Variants in PPARGC1A observed in about 807,000 individuals in gnomAD.
PPARGC1A encodes the protein PPARG coactivator 1 alpha, also known as peroxisome proliferator-activated receptor gamma coactivator 1-alpha.
In PPARGC1A, 25 loss-of-function variants were observed where a neutral mutation model predicts 88.7. The ratio of observed to expected loss-of-function variants is 0.28; its 90% CI spans 0.21 to 0.39. The LOEUF (loss-of-function observed/expected upper bound fraction) is 0.39. PPARGC1A is among the 10% of genes least tolerant of loss of function. PPARGC1A has a pLI of 1.00. For synonymous variants in PPARGC1A, 363 were observed against 355.6 expected, an observed-to-expected ratio of 1.02 and a Z score of -0.24; for missense variants, 880 against 968.7, an observed-to-expected ratio of 0.91 and a Z score of 1.22.
At chr4:24,054,372 C>T in the PPARGC1A span, among the ~76,000 whole-genome samples, 1 of 150,980 alleles carries the variant, frequency 6.6e-6, no homozygotes, top group Non-Finnish European at 1.5e-5. Context: ...GGAAGTAACC[C>T]ATCTGAGATA....
chr4:23,807,019 C>G (rs949067694), intron 10 of PPARGC1A, among the ~76,000 whole-genome samples: 7 of 152,084 alleles, frequency 4.6e-5, no homozygotes, highest in Non-Finnish European at 8.8e-5. Flanking sequence ...TCTACGTTTG[C>G]AAGTCAGAAT....
chr4:24,409,807 C>A, the PPARGC1A span, among the ~76,000 whole-genome samples: 2 of 152,146 alleles, frequency 1.3e-5, no homozygotes, highest in African/African-American at 4.8e-5. Context: ...TTTTACATGA[C>A]TGCATGTGAT....
the PPARGC1A span, among the ~76,000 whole-genome samples, chr4:24,289,848 T>C: frequency 1.3e-5 from 2 of 152,180 alleles, no homozygotes; most frequent in African/African-American, 2.4e-5. Context: ...ATTAGTCTGT[T>C]CTCACACTGC....
the PPARGC1A span, among the ~76,000 whole-genome samples, chr4:24,138,494 G>A: frequency 6.6e-6 from 1 of 152,338 alleles, no homozygotes; most frequent in East Asian, 1.9e-4. Context: ...TATGCTTCCT[G>A]TTCACAAATC....
the PPARGC1A span, among the ~76,000 whole-genome samples, chr4:23,923,251 G>T: frequency 6.6e-6 from 1 of 152,036 alleles, no homozygotes; most frequent in Non-Finnish European, 1.5e-5. Context: ...GACAGGTATG[G>T]AACTGTGTTG....
At chr4:23,881,624 G>A (rs577037991) in intron 2 of PPARGC1A, among the ~76,000 whole-genome samples, 110 of 152,268 alleles carry the variant, frequency 7.2e-4, no homozygotes, top group Admixed American at 7.1e-3. Context: ...GAATTCAGTC[G>A]ATGGCCAGTT....
At chr4:24,127,154 C>G in the PPARGC1A span, among the ~76,000 whole-genome samples, 1 of 152,148 alleles carries the variant, frequency 6.6e-6, no homozygotes, top group Non-Finnish European at 1.5e-5. Flanking sequence ...AACACCATGC[C>G]CTTTTTATCA....
intron 1 of PPARGC1A, among the ~76,000 whole-genome samples, chr4:23,888,464 GCCAGCCAGACAA>G (rs1210809989): frequency 6.6e-6 from 1 of 152,110 alleles, no homozygotes; most frequent in Non-Finnish European, 1.5e-5. Context: ...GACCCACAGT[GCCAGCCAGACAA>G]CCACCCACAG....
At chr4:23,939,241 A>G in the PPARGC1A span, among the ~76,000 whole-genome samples, 1 of 152,146 alleles carries the variant, frequency 6.6e-6, no homozygotes, top group African/African-American at 2.4e-5. Flanking sequence ...CCCCCCAAAT[A>G]AAGCATAGTA....
the PPARGC1A span, among the ~76,000 whole-genome samples, chr4:24,243,497 A>G: frequency 6.6e-6 from 1 of 152,208 alleles, no homozygotes; most frequent in Non-Finnish European, 1.5e-5. Flanking sequence ...TGGTGCAACT[A>G]GAAAAGACTA....
At chr4:23,806,915 G>C (rs1329278136) in intron 10 of PPARGC1A, among the ~76,000 whole-genome samples, 1 of 152,190 alleles carries the variant, frequency 6.6e-6, no homozygotes, top group Non-Finnish European at 1.5e-5. Context: ...GCTATGCCAA[G>C]TACTGCATTT....
At chr4:23,894,812 TA>T (rs966413916), upstream of PPARGC1A, among the ~76,000 whole-genome samples, 2 of 152,116 alleles carry the variant, frequency 1.3e-5, no homozygotes, top group African/African-American at 4.8e-5. Context: ...TAAGAGATAA[TA>T]AAAGGGTGGT....
chr4:23,856,609 C>G (rs927756444), intron 2 of PPARGC1A, among the ~76,000 whole-genome samples: 8 of 152,208 alleles, frequency 5.3e-5, no homozygotes, highest in African/African-American at 1.7e-4. Context: ...CCTTTAGCCT[C>G]TGTAGAGAGA....
the PPARGC1A span, among the ~76,000 whole-genome samples, chr4:24,008,661 C>T: frequency 4.0e-5 from 6 of 151,772 alleles, no homozygotes; most frequent in South Asian, 1.3e-3. Flanking sequence ...GTTTGGTTGC[C>T]CTTCAGAAGT....
At chr4:23,825,494 G>C (rs1424186280) in intron 5 of PPARGC1A, among the ~76,000 whole-genome samples, 1 of 152,036 alleles carries the variant, frequency 6.6e-6, no homozygotes. Context: ...TATGGTTGAA[G>C]AAACTGAGAC....
the PPARGC1A span, among the ~76,000 whole-genome samples, chr4:24,291,197 T>A: frequency 6.6e-6 from 1 of 152,142 alleles, no homozygotes; most frequent in Non-Finnish European, 1.5e-5. Flanking sequence ...AAGAAGTGAG[T>A]CTCCTTTGCC....
chr4:24,159,165 C>A, the PPARGC1A span, among the ~76,000 whole-genome samples: 1 of 150,692 alleles, frequency 6.6e-6, no homozygotes, highest in African/African-American at 2.4e-5. Flanking sequence ...TAATATCAGA[C>A]CTATTTTATA....
At chr4:24,063,642 G>A in the PPARGC1A span, among the ~76,000 whole-genome samples, 209 of 152,254 alleles carry the variant, frequency 1.4e-3, no homozygotes, top group Middle Eastern at 6.8e-3. Context: ...TTTTTATGAC[G>A]TTGCAGCTTC....
the PPARGC1A span, among the ~76,000 whole-genome samples, chr4:24,347,891 T>C: frequency 6.6e-6 from 1 of 152,206 alleles, no homozygotes; most frequent in Non-Finnish European, 1.5e-5. Flanking sequence ...CCTATGTGAT[T>C]TATGCTTTAA....
Sources: allele counts gnomAD v4.1 joint callset (sites outside exome capture counted in the v4.1 genomes callset), GRCh38; gene constraint gnomAD v4.1.1; transcripts MANE v1.5; gene names NCBI Gene and HGNC (gene_info 2026-07-23, HGNC 2026-07-21).